CDHR3: variants seen among roughly 807,000 people sequenced by gnomAD.
CDHR3 encodes cadherin related family member 3.
CDHR3 carries 79 observed loss-of-function variants against 86.6 expected under a neutral mutation model. That is an observed-to-expected ratio of 0.91 (90% CI 0.76 to 1.10). CDHR3 has a LOEUF of 1.10. CDHR3 is among the 50% of genes least tolerant of loss of function. CDHR3 has a pLI of 0.00. For synonymous variants in CDHR3, 421 were observed against 402.4 expected (o/e 1.05, Z -0.55); for missense variants, 1,081 against 1,077.6 (o/e 1.00, Z -0.04).
intron 1 of CDHR3, among the ~76,000 whole-genome samples, chr7:105,963,585 G>T (rs1349022203): frequency 1.3e-5 from 2 of 152,216 alleles, no homozygotes; most frequent in African/African-American, 2.4e-5. Flanking sequence ...TCTAATCTAT[G>T]TTGGTGTAGA....
chr7:106,000,899 CAAAAAA>C (rs35254288), intron 6 of CDHR3, among the ~76,000 whole-genome samples: 1 of 90,716 alleles, frequency 1.1e-5, no homozygotes, highest in Non-Finnish European at 2.3e-5. Context: ...TATCCTCAGG[CAAAAAA>C]AAAAAAAAAA....
chr7:106,015,272 C>A, intron 10 of CDHR3, 59 bp downstream of exon 10: 1 of 1,430,404 alleles, frequency 7.0e-7, no homozygotes. Flanking sequence ...TGACCAAACT[C>A]TGCTGGGCAA....
rs183994282 is a variant in CDHR3, at chr7:106,017,536, G to A, written c.1427-310G>A. Among the ~76,000 whole-genome samples, 500 of 150,598 alleles carry A rather than the reference G, an allele frequency of 3.3e-3. 3 individuals carry two copies. The highest frequency in any genetic ancestry group is 0.012 in the African/African-American group (479 of 40,752). On this transcript the variant is annotated intron_variant, in intron 11 of 18. Transcript: ENST00000317716. The stretch of plus-strand genomic sequence containing the variant: ...ATCGCACCACTGCACTCCAGCCTGG[G>A]CGACAGAGTGAGACTCCGTCACACA...
Position 106,034,124 on chromosome 7 carries a change from G to A in CDHR3, c.*1427G>A, listed in dbSNP as rs1246708502. On this transcript the variant is annotated 3_prime_UTR_variant, in exon 19 of 19. Transcript: ENST00000317716. ...GCAGGACTCTGAGTGGGGACATACT[G>A]GAAGCCCCATCTAGACATAAAACTC... is the stretch of plus-strand genomic sequence containing the variant. 6.6e-6 allele frequency among the ~76,000 whole-genome samples: 1 copy of A among 152,222 alleles called. No individual in the cohort carries two copies. Among genetic ancestry groups the A allele is most frequent in the Non-Finnish European group, 1.5e-5 (1 of 68,038 alleles).
At chr7:106,001,395 C>G (rs747406344) in intron 6 of CDHR3, 67 bp from the exon 7 acceptor site, 133 of 1,575,398 alleles carry the variant, frequency 8.4e-5, no homozygotes, top group Non-Finnish European at 1.1e-4. Flanking sequence ...ACCAAAATAC[C>G]AATCGCCTAG....
chr7:105,981,784 C>T (rs914989122), intron 3 of CDHR3, among the ~76,000 whole-genome samples: 2 of 152,078 alleles, frequency 1.3e-5, no homozygotes, highest in East Asian at 3.9e-4. Flanking sequence ...CACCCTCCAC[C>T]CCCACCCAAA....
At chr7:106,027,968 A>C (rs1353782330) in intron 16 of CDHR3, among the ~76,000 whole-genome samples, 1 of 151,864 alleles carries the variant, frequency 6.6e-6, no homozygotes, top group African/African-American at 2.4e-5. Context: ...GTAGAAAAAA[A>C]ATTTTTAAAT....
intron 4 of CDHR3, among the ~76,000 whole-genome samples, chr7:105,985,829 G>T (rs1286242271): frequency 7.1e-6 from 1 of 141,706 alleles, no homozygotes; most frequent in Non-Finnish European, 1.6e-5. Flanking sequence ...TTAGGAATGT[G>T]TTTGTCTGCA....
intron 9 of CDHR3, 47 bp from the exon 10 acceptor site, chr7:106,015,064 A>G (rs367666687): frequency 2.6e-4 from 378 of 1,457,776 alleles, no homozygotes; most frequent in South Asian, 6.9e-4. Flanking sequence ...AGCCCAATAA[A>G]TAGGATTGTT....
In CDHR3 at chr7:106,015,139, C is replaced by G; in HGVS notation, c.1253C>G (p.Pro418Arg). The change falls in exon 10 of 19, where the codon CCA (proline) becomes CGA (arginine). Residue 418 changes from proline to arginine, a missense_variant. Physicochemically the swap from Pro to Arg is moderately radical, Grantham distance 103. Coordinates refer to ENST00000317716, the MANE Select transcript of CDHR3 (RefSeq NM_152750.5). ...VLIGDLDYEN[P>R]SNLAAGNKYT... ...ATTGGTGATCTAGACTACGAAAATC[C>G]AAGTAACCTAGCAGCCGGCAATAAA... The G allele has an allele frequency of 6.2e-7, 1 of 1,610,006 alleles. No homozygotes were observed. The highest frequency in any genetic ancestry group is 8.5e-7 in the Non-Finnish European group (1 of 1,178,226).
Position 106,033,012 on chromosome 7 carries a change from A to G in CDHR3, c.*315A>G, listed in dbSNP as rs1838605209. Reference sequence around the variant, plus strand: ...TTTGCATTGACTGCTAGGAAGCTCTATTCTGTTCACCATAGAAAGTTTGTA... The same window carrying G: ...TTTGCATTGACTGCTAGGAAGCTCTGTTCTGTTCACCATAGAAAGTTTGTA... On this transcript the variant is annotated 3_prime_UTR_variant, in exon 19 of 19. Coordinates refer to ENST00000317716, the MANE Select transcript of CDHR3 (RefSeq NM_152750.5). 9.8e-6 allele frequency: 3 copies of G among 305,008 alleles called. No homozygotes were observed. Among genetic ancestry groups the G allele is most frequent in the South Asian group, 1.5e-4 (2 of 13,702 alleles). 18.9% of individuals were successfully genotyped at this position (305,008 alleles called of 1,614,324 possible).
Position 106,035,583 on chromosome 7 carries a change from C to A in CDHR3, c.*2886C>A, listed in dbSNP as rs1277929907. 6.6e-6 allele frequency among the ~76,000 whole-genome samples: 1 copy of A among 152,188 alleles called. No homozygotes were observed. Among genetic ancestry groups the A allele is most frequent in the Non-Finnish European group, 1.5e-5 (1 of 68,032 alleles). On this transcript the variant is annotated 3_prime_UTR_variant, in exon 19 of 19. Transcript: ENST00000317716. Reference sequence around the variant, plus strand: ...GTACACTCCACAGTGTGGGAACGGGCCTGAGCAAGTGACTCAAGGGCCCAG... The same window carrying A: ...GTACACTCCACAGTGTGGGAACGGGACTGAGCAAGTGACTCAAGGGCCCAG...
chr7:106,001,091 G>C (rs1447150504), intron 6 of CDHR3, among the ~76,000 whole-genome samples: 1 of 152,152 alleles, frequency 6.6e-6, no homozygotes, highest in African/African-American at 2.4e-5. Context: ...AGAATCCAGG[G>C]ACATCTGCAC....
rs764614307 is a variant in CDHR3 at position 105,984,315 on chromosome 7, G to T, written c.513+26G>T. On this transcript the variant is annotated intron_variant, in intron 4 of 18. Transcript: ENST00000317716. ...GTAAGTGTCCTTATATGGAAGAGGTGGTGTTTGTCCGTGTTGGGTTAGACA... is the reference window on the plus strand; with the variant it reads ...GTAAGTGTCCTTATATGGAAGAGGTTGTGTTTGTCCGTGTTGGGTTAGACA... 11 of 1,570,690 alleles carry T rather than the reference G, an allele frequency of 7.0e-6. No individual in the cohort carries two copies. The African/African-American group carries it at 1.2e-4, about 17-fold the overall frequency.
intron 16 of CDHR3, chr7:106,027,701 A>T: frequency 2.2e-6 from 1 of 452,354 alleles, no homozygotes; most frequent in Non-Finnish European, 4.4e-6. Context: ...ATCTACAGGC[A>T]TGTGTCTGAC....
rs1434001449 is a variant in CDHR3 at position 105,975,046 on chromosome 7, G to A, written c.249G>A (p.Glu83=). The A allele has an allele frequency of 3.7e-6, 6 of 1,612,230 alleles. No individual in the cohort carries two copies. The highest frequency in any genetic ancestry group is 1.3e-5 in the African/African-American group (1 of 74,990). ...RVNWLSGTYF[E]VVTTGMEQLD... ...ATTGGCTGTCAGGCACCTACTTTGA[G>A]GTAAGTAACAACTTACCAACATGAG... is the stretch of plus-strand genomic sequence containing the variant. The change falls in exon 2 of 19, where the codon GAG becomes GAA. Residue 83 remains glutamate (E), a splice_region_variant and synonymous_variant. Transcript: ENST00000317716.
At chr7:106,015,246 C>A in intron 10 of CDHR3, 33 bp downstream of exon 10, 1 of 1,547,302 alleles carries the variant, frequency 6.5e-7, no homozygotes, top group East Asian at 2.4e-5. Flanking sequence ...TCATGATTGT[C>A]TTTCTTGAGT....
At chr7:105,972,061 A>G (rs1019897087) in intron 1 of CDHR3, among the ~76,000 whole-genome samples, 1 of 152,176 alleles carries the variant, frequency 6.6e-6, no homozygotes, top group Non-Finnish European at 1.5e-5. Flanking sequence ...AGATCCAGAT[A>G]CCATGAGCCA....
At chr7:106,029,696 T>C (rs1838047120) in intron 17 of CDHR3, among the ~76,000 whole-genome samples, 1 of 152,060 alleles carries the variant, frequency 6.6e-6, no homozygotes, top group African/African-American at 2.4e-5. Flanking sequence ...CTTCATGAAT[T>C]TGTTGCATAA....
Sources: gnomAD v4.1 joint callset for allele counts (sites outside exome capture counted in the v4.1 genomes callset) on GRCh38, gnomAD v4.1.1 for gene constraint, MANE v1.5 for transcripts, NCBI Gene and HGNC (gene_info 2026-07-23, HGNC 2026-07-21) for gene names.